Variants in CCDC102B observed in about 807,000 individuals in gnomAD.
CCDC102B encodes the protein coiled-coil domain containing 102B.
CCDC102B carries 75 observed loss-of-function variants against 57.4 expected under a neutral mutation model. That is an observed-to-expected ratio of 1.31 (90% CI 1.08 to 1.58). CCDC102B has a LOEUF of 1.58. Ranked by LOEUF, CCDC102B falls within the 40% of genes most tolerant of loss-of-function variation. CCDC102B has a pLI of 0.00. For missense variants in CCDC102B, 636 were observed against 582.6 expected, an observed-to-expected ratio of 1.09 and a Z score of -0.94; for synonymous variants, 206 against 201.9, an observed-to-expected ratio of 1.02 and a Z score of -0.17.
chr18:68,789,432 C>T (rs2035343338), intron 2 of CCDC102B, among the ~76,000 whole-genome samples: 1 of 152,196 alleles, frequency 6.6e-6, no homozygotes, highest in Non-Finnish European at 1.5e-5. Context: ...TGTTTTCCAA[C>T]TTGGTTTCAT....
chr18:68,807,589 A>G (rs1001393313), intron 1 of CCDC102B, among the ~76,000 whole-genome samples: 4 of 152,154 alleles, frequency 2.6e-5, no homozygotes, highest in African/African-American at 4.8e-5. Context: ...TTCCTTGCAC[A>G]TGGCGTCCAT....
At chr18:68,731,950 A>C (rs1199243982) in intron 2 of CCDC102B, among the ~76,000 whole-genome samples, 1 of 19,924 alleles carries the variant, frequency 5.0e-5, no homozygotes. Flanking sequence ...TCAAAGGAGA[A>C]TGGCTTACAG....
In CCDC102B at chr18:68,973,907, T is replaced by G. The variant is rs147105876; in HGVS notation, c.1264-37027T>G. 7.9e-5 allele frequency among the ~76,000 whole-genome samples: 12 copies of G among 152,190 alleles called. 1 individual carries two copies. In the East Asian group the frequency reaches 2.3e-3, roughly 30 times the overall value. ...TGGTGATAGAACTGCTATTCACTGT[T>G]CTGCAAAATCCACAACATCCCATCC... On this transcript the variant is annotated intron_variant, in intron 6 of 7. Coordinates refer to ENST00000360242, the MANE Select transcript of CCDC102B (RefSeq NM_024781.3).
rs1283829785 is a variant in CCDC102B, at chr18:68,769,255, A to G, written c.-67+52661A>G. ...GCAACAAGAGTGAAACTCCACCTCG[A>G]AAAAAAAAAAAAAAGATTGAATCGA... On this transcript the variant is annotated intron_variant, in intron 2 of 3. Coordinates refer to the CCDC102B transcript ENST00000578970. 3.3e-5 allele frequency among the ~76,000 whole-genome samples: 4 copies of G among 120,286 alleles called. No homozygotes were observed. The South Asian group carries it at 8.0e-4, about 24-fold the overall frequency. 78.9% of individuals were successfully genotyped at this position (120,286 alleles called of 152,430 possible).
In CCDC102B at chr18:68,742,989, C is replaced by A. The variant is rs515849; in HGVS notation, c.-67+26395C>A. ...TATAATGTTCTGTTTAAATTCTGAC[C>A]CTTAGGGCCAAATTTTTAACTTATG... On this transcript the variant is annotated intron_variant, in intron 2 of 3. Coordinates refer to the CCDC102B transcript ENST00000578970. Among the ~76,000 whole-genome samples the A allele has an allele frequency of 3.5e-3, 532 of 151,904 alleles. 2 individuals are homozygous for A. Among genetic ancestry groups the A allele is most frequent in the African/African-American group, 0.012 (503 of 41,412 alleles).
chr18:69,036,712 G>A (rs1397915116), intron 7 of CCDC102B, among the ~76,000 whole-genome samples: 3 of 152,018 alleles, frequency 2.0e-5, no homozygotes, highest in Non-Finnish European at 2.9e-5. Flanking sequence ...AAATGCAAAG[G>A]AGAGAAACAG....
intron 4 of CCDC102B, among the ~76,000 whole-genome samples, chr18:68,858,695 A>G (rs552067394): frequency 6.6e-6 from 1 of 152,264 alleles, no homozygotes; most frequent in Admixed American, 6.5e-5. Flanking sequence ...TGATTTGGCC[A>G]TCTATCTTTG....
At chr18:68,721,259 A>T (rs376794834) in intron 2 of CCDC102B, 48 of 152,354 alleles carry the variant, frequency 3.2e-4, no homozygotes, top group African/African-American at 1.1e-3. Flanking sequence ...ATGAATTTTT[A>T]CAAAATGAGC....
chr18:68,973,426 G>A (rs8090442), intron 6 of CCDC102B, among the ~76,000 whole-genome samples: 3,877 of 152,164 alleles, frequency 0.025, 168 homozygotes, highest in African/African-American at 0.089. Context: ...TTAACCCACA[G>A]CATTCCCAAA....
At chr18:68,938,424 T>A (rs1860756811) in intron 6 of CCDC102B, among the ~76,000 whole-genome samples, 1 of 151,994 alleles carries the variant, frequency 6.6e-6, no homozygotes, top group Admixed American at 6.6e-5. Flanking sequence ...CAGTTAAAAT[T>A]AGAATTTATA....
At chr18:69,050,674 A>G (rs1324074963) in intron 7 of CCDC102B, among the ~76,000 whole-genome samples, 2 of 152,196 alleles carry the variant, frequency 1.3e-5, no homozygotes, top group African/African-American at 4.8e-5. Flanking sequence ...GATGGAGAGT[A>G]TTAAACTCTC....
intron 2 of CCDC102B, among the ~76,000 whole-genome samples, chr18:68,725,800 TTGAC>T (rs1281774189): frequency 3.3e-5 from 5 of 152,198 alleles, no homozygotes; most frequent in Non-Finnish European, 5.9e-5. Flanking sequence ...TAGTTTTTGA[TTGAC>T]TGAGCAGACT....
At chr18:68,858,911 T>C (rs2038608447) in intron 4 of CCDC102B, 2 of 152,302 alleles carry the variant, frequency 1.3e-5, no homozygotes, top group Admixed American at 1.3e-4. Context: ...TTTTTGTTTT[T>C]CCTTTTAAAA....
intron 6 of CCDC102B, among the ~76,000 whole-genome samples, chr18:68,953,321 G>A (rs988211359): frequency 4.8e-5 from 7 of 145,680 alleles, no homozygotes; most frequent in Non-Finnish European, 9.0e-5. Flanking sequence ...ATATACAAAG[G>A]TTCCAAGTTC....
chr18:68,963,567 T>A (rs2050097170), intron 6 of CCDC102B, among the ~76,000 whole-genome samples: 3 of 151,932 alleles, frequency 2.0e-5, no homozygotes, highest in African/African-American at 7.2e-5. Context: ...GCCTTTTACA[T>A]GAGCCCCCTC....
intron 6 of CCDC102B, among the ~76,000 whole-genome samples, chr18:68,929,167 G>C (rs2041581416): frequency 1.3e-5 from 2 of 151,866 alleles, no homozygotes; most frequent in Admixed American, 1.3e-4. Context: ...CATTTCATTA[G>C]ATTGGATCAG....
At chr18:69,050,458 A>G (rs2052677557) in intron 7 of CCDC102B, among the ~76,000 whole-genome samples, 1 of 152,214 alleles carries the variant, frequency 6.6e-6, no homozygotes, top group Non-Finnish European at 1.5e-5. Context: ...TAGTCATGAT[A>G]GTGCCTTCAC....
chr18:68,855,714 T>C (rs1383050403), intron 4 of CCDC102B, among the ~76,000 whole-genome samples: 1 of 152,186 alleles, frequency 6.6e-6, no homozygotes, highest in Non-Finnish European at 1.5e-5. Flanking sequence ...AAATGGAATT[T>C]TGTGACTTTC....
chr18:68,734,012 G>A (rs1787259), intron 2 of CCDC102B, among the ~76,000 whole-genome samples: 135,586 of 152,198 alleles, frequency 0.89, 61,911 homozygotes, highest in Non-Finnish European at 0.99. Context: ...CAGTCTACAC[G>A]TTATTTAGAA....
Sources: gnomAD v4.1 joint callset for allele counts (sites outside exome capture counted in the v4.1 genomes callset) on GRCh38, gnomAD v4.1.1 for gene constraint, MANE v1.5 for transcripts, NCBI Gene and HGNC (gene_info 2026-07-23, HGNC 2026-07-21) for gene names.